Variants in RNF38 observed in about 807,000 individuals in gnomAD.
RNF38 encodes ring finger protein 38, also known as E3 ubiquitin-protein ligase RNF38.
RNF38 carries 15 observed loss-of-function variants against 67.2 expected under a neutral mutation model. The observed-to-expected ratio is 0.22, with a 90% CI of 0.15 to 0.34. RNF38 has a LOEUF of 0.34. Ranked by LOEUF, RNF38 falls within the 10% of genes least tolerant of loss-of-function variation. The pLI is 1.00. For missense variants in RNF38, 524 were observed against 639.9 expected (o/e 0.82, Z 1.95); for synonymous variants, 220 against 218.8 (o/e 1.01, Z -0.05).
chr9:36,341,216 C>T (rs750266454), intron 11 of RNF38, among the ~76,000 whole-genome samples: 2 of 152,124 alleles, frequency 1.3e-5, no homozygotes, highest in African/African-American at 2.4e-5. Flanking sequence ...ATCAGCCACA[C>T]GGAACTTGTG....
intron 1 of RNF38, among the ~76,000 whole-genome samples, chr9:36,472,044 TAAC>T (rs1174367097): frequency 2.0e-5 from 3 of 152,254 alleles, no homozygotes; most frequent in Non-Finnish European, 2.9e-5. Flanking sequence ...AATTTTAAAA[TAAC>T]AATTTGTTTT....
chr9:36,464,803 A>T (rs1268162156), intron 1 of RNF38, among the ~76,000 whole-genome samples: 1 of 152,210 alleles, frequency 6.6e-6, no homozygotes, highest in Non-Finnish European at 1.5e-5. Context: ...GAACATTTTT[A>T]AAAATCATTT....
In RNF38 at chr9:36,368,771, A is replaced by AAAATT. The variant is rs1835157935; in HGVS notation, c.570+947_570+948insAATTT. Among the ~76,000 whole-genome samples, 7 of 152,220 alleles carry AAAATT rather than the reference A, an allele frequency of 4.6e-5. No individual in the cohort carries two copies. The South Asian group carries it at 1.5e-3, about 32-fold the overall frequency. ...TATCTAGTGCAGTAGATGAAAATTG[A>AAAATT]GATCCTATTCTCATTAGCATTCTCT... is the stretch of plus-strand genomic sequence containing the variant. On this transcript the variant is annotated intron_variant, in intron 4 of 11. Coordinates refer to ENST00000259605, the MANE Select transcript of RNF38 (RefSeq NM_022781.5).
At chr9:36,385,865 A>G (rs1836588711) in intron 2 of RNF38, among the ~76,000 whole-genome samples, 1 of 152,192 alleles carries the variant, frequency 6.6e-6, no homozygotes, top group Admixed American at 6.5e-5. Context: ...ATTGGGTTAC[A>G]AAGTTTTGCC....
chr9:36,395,264 C>G (rs1459557191), intron 1 of RNF38, among the ~76,000 whole-genome samples: 1 of 151,946 alleles, frequency 6.6e-6, no homozygotes, highest in South Asian at 2.1e-4. Flanking sequence ...GCACTTAGGA[C>G]AAGACACTGT....
At chr9:36,472,174 T>C (rs1444060521) in intron 1 of RNF38, among the ~76,000 whole-genome samples, 1 of 152,238 alleles carries the variant, frequency 6.6e-6, no homozygotes, top group Non-Finnish European at 1.5e-5. Flanking sequence ...ACCAAACATA[T>C]CAATCTCTAG....
upstream of RNF38, among the ~76,000 whole-genome samples, chr9:36,402,439 G>A (rs1838071579): frequency 2.0e-5 from 3 of 150,378 alleles, no homozygotes; most frequent in Middle Eastern, 3.2e-3. Context: ...CTCACAAATC[G>A]CAATCTACTG....
rs376804170 is a variant in RNF38, at chr9:36,464,525, C to T, written n.241+22783G>A. Among the ~76,000 whole-genome samples the T allele has an allele frequency of 3.2e-4, 48 of 151,370 alleles. No individual in the cohort carries two copies. The East Asian group carries it at 5.8e-3, about 18-fold the overall frequency. ...GGCGGAGGTTGTGGTAAGCTGAGATCGCGCCACTGTACTCCAGCCTGGGTG... is the reference window on the plus strand; with the variant it reads ...GGCGGAGGTTGTGGTAAGCTGAGATTGCGCCACTGTACTCCAGCCTGGGTG... On this transcript the variant is annotated intron_variant and non_coding_transcript_variant, in intron 1 of 3. Transcript: ENST00000488058.
chr9:36,480,552 T>C (rs1347625252), intron 1 of RNF38, among the ~76,000 whole-genome samples: 3 of 141,020 alleles, frequency 2.1e-5, no homozygotes, highest in Admixed American at 7.0e-5. Context: ...CTTTTTCTTT[T>C]TTTTTTTTTT....
chr9:36,402,283 G>C (rs147751365), upstream of RNF38, among the ~76,000 whole-genome samples: 1,680 of 152,260 alleles, frequency 0.011, 29 homozygotes, highest in African/African-American at 0.038. Flanking sequence ...CAGTTAACCA[G>C]CTGGCTGGCT....
At chr9:36,396,829 A>C (rs551813853) in intron 1 of RNF38, among the ~76,000 whole-genome samples, 1 of 151,680 alleles carries the variant, frequency 6.6e-6, no homozygotes, top group African/African-American at 2.4e-5. Flanking sequence ...ACTGAGGTCC[A>C]AACACTGGGT....
chr9:36,344,016 AATT>A (rs896817452), intron 10 of RNF38, among the ~76,000 whole-genome samples: 3 of 152,044 alleles, frequency 2.0e-5, no homozygotes, highest in South Asian at 2.1e-4. Context: ...GTACTTTTTA[AATT>A]ATTATTATTT....
intron 1 of RNF38, among the ~76,000 whole-genome samples, chr9:36,471,701 A>G (rs188158954): frequency 6.6e-6 from 1 of 152,366 alleles, no homozygotes; most frequent in African/African-American, 2.4e-5. Flanking sequence ...TAAACATTCC[A>G]GAGTCAAATT....
At chr9:36,365,142 A>G (rs1319903163) in intron 4 of RNF38, among the ~76,000 whole-genome samples, 1 of 151,966 alleles carries the variant, frequency 6.6e-6, no homozygotes, top group African/African-American at 2.4e-5. Flanking sequence ...TGACAGAATC[A>G]TCTTCTCAAG....
chr9:36,390,100 G>GC lies in RNF38; in HGVS notation c.162+366dup, dbSNP rs1163705574. On this transcript the variant is annotated intron_variant, in intron 2 of 11. Transcript: ENST00000259605. The stretch of plus-strand genomic sequence containing the variant: ...GTTACTATCGAACTCTGGGTGCCAA[G>GC]CAAGTAACTAGTGAACATCTTACAT... Among the ~76,000 whole-genome samples, 4 of 152,292 alleles carry GC rather than the reference G, an allele frequency of 2.6e-5. No homozygotes were observed. In the East Asian group the frequency reaches 7.7e-4, roughly 29 times the overall value.
intron 2 of RNF38, among the ~76,000 whole-genome samples, chr9:36,410,915 C>T (rs1035078063): frequency 1.3e-5 from 2 of 152,012 alleles, no homozygotes; most frequent in Non-Finnish European, 2.9e-5. Context: ...GGTAGAATTT[C>T]AGTTTAGGAA....
chr9:36,418,141 G>A (rs972946248), intron 2 of RNF38, among the ~76,000 whole-genome samples: 1 of 150,052 alleles, frequency 6.7e-6, no homozygotes, highest in African/African-American at 2.5e-5. Context: ...TAATCTTCCC[G>A]CCTCAGCCTC....
intron 4 of RNF38, among the ~76,000 whole-genome samples, chr9:36,367,533 C>G (rs2133747700): frequency 6.6e-6 from 1 of 152,186 alleles, no homozygotes; most frequent in South Asian, 2.1e-4. Context: ...TTTAATACAT[C>G]ACTAGGTATA....
chr9:36,358,082 G>T, intron 4 of RNF38, 140 bp from the exon 5 acceptor site: 1 of 645,874 alleles, frequency 1.5e-6, no homozygotes, highest in Non-Finnish European at 2.7e-6. Flanking sequence ...GTTTCGACCA[G>T]AATATTCATT....
Sources: allele counts gnomAD v4.1 joint callset (sites outside exome capture counted in the v4.1 genomes callset), GRCh38; gene constraint gnomAD v4.1.1; transcripts MANE v1.5; gene names NCBI Gene and HGNC (gene_info 2026-07-23, HGNC 2026-07-21).